The following SLC24A2 variants were observed in gnomAD, a reference collection of about 807,000 sequenced individuals.
SLC24A2 encodes the protein sodium/potassium/calcium exchanger 2.
SLC24A2 carries 36 observed loss-of-function variants against 62.0 expected under a neutral mutation model. That is an observed-to-expected ratio of 0.58 (90% CI 0.44 to 0.77). The LOEUF (loss-of-function observed/expected upper bound fraction) is 0.77, where lower values mean the gene tolerates loss of function less well. SLC24A2 is among the 30% of genes least tolerant of loss of function. The pLI is 0.00. For missense variants in SLC24A2, 846 were observed against 817.9 expected (o/e 1.03, Z -0.42); for synonymous variants, 358 against 294.0 (o/e 1.22, Z -2.23).
chr9:19,668,673 T>G (rs1270903208), intron 2 of SLC24A2, among the ~76,000 whole-genome samples: 1 of 152,218 alleles, frequency 6.6e-6, no homozygotes, highest in East Asian at 1.9e-4. Context: ...TTTCTGTTTC[T>G]GTCAGCTTGA....
chr9:20,092,950 T>C, the SLC24A2 span, among the ~76,000 whole-genome samples: 3 of 152,232 alleles, frequency 2.0e-5, no homozygotes, highest in African/African-American at 7.2e-5. Flanking sequence ...TAGTTTCTTT[T>C]TTATAGAATG....
the SLC24A2 span, among the ~76,000 whole-genome samples, chr9:20,224,434 C>T: frequency 6.6e-6 from 1 of 151,880 alleles, no homozygotes; most frequent in Non-Finnish European, 1.5e-5. Flanking sequence ...AAATTAAAGC[C>T]TGAAAACACT....
the SLC24A2 span, among the ~76,000 whole-genome samples, chr9:20,172,849 G>T: frequency 6.6e-6 from 1 of 151,962 alleles, no homozygotes; most frequent in Non-Finnish European, 1.5e-5. Context: ...ATCATTCTGT[G>T]AAGCCTGTAT....
chr9:20,188,157 TACAA>T, the SLC24A2 span, among the ~76,000 whole-genome samples: 2 of 152,322 alleles, frequency 1.3e-5, no homozygotes, highest in East Asian at 1.9e-4. Context: ...GAATTTCTGC[TACAA>T]ACAGTGTCCA....
chr9:20,084,365 A>T, the SLC24A2 span, among the ~76,000 whole-genome samples: 1 of 152,302 alleles, frequency 6.6e-6, no homozygotes, highest in East Asian at 1.9e-4. Flanking sequence ...CAACGACCTG[A>T]TGTCAGCTTG....
chr9:19,894,202 G>A, the SLC24A2 span, among the ~76,000 whole-genome samples: 1 of 152,174 alleles, frequency 6.6e-6, no homozygotes, highest in African/African-American at 2.4e-5. Flanking sequence ...CCAGAGACTA[G>A]AACCTTTCCG....
intron 6 of SLC24A2, among the ~76,000 whole-genome samples, chr9:19,575,486 C>T (rs1361650068): frequency 6.6e-6 from 1 of 152,204 alleles, no homozygotes; most frequent in African/African-American, 2.4e-5. Flanking sequence ...TGTGTGTGCA[C>T]ATCTTAGCTT....
At chr9:20,209,094 T>G in the SLC24A2 span, among the ~76,000 whole-genome samples, 3 of 152,208 alleles carry the variant, frequency 2.0e-5, no homozygotes, top group Admixed American at 2.0e-4. Flanking sequence ...GAGCATTAAA[T>G]GTGATGATGT....
At chr9:20,258,827 A>G in the SLC24A2 span, among the ~76,000 whole-genome samples, 12 of 140,158 alleles carry the variant, frequency 8.6e-5, no homozygotes, top group Middle Eastern at 7.2e-3. Flanking sequence ...TTATCTATCT[A>G]TCTATCTGTC....
At chr9:19,675,949 C>A (rs1819548527) in intron 2 of SLC24A2, among the ~76,000 whole-genome samples, 1 of 152,190 alleles carries the variant, frequency 6.6e-6, no homozygotes, top group Admixed American at 6.5e-5. Flanking sequence ...TTTTCCAGTT[C>A]CTCTGGCAGC....
chr9:19,799,986 C>T, the SLC24A2 span, among the ~76,000 whole-genome samples: 3 of 152,154 alleles, frequency 2.0e-5, no homozygotes, highest in Non-Finnish European at 2.9e-5. Context: ...CTAGCTTCGG[C>T]GGCTCTGAGA....
the SLC24A2 span, among the ~76,000 whole-genome samples, chr9:19,901,117 C>T: frequency 4.0e-3 from 609 of 152,254 alleles, 4 homozygotes; most frequent in Non-Finnish European, 5.5e-3. Context: ...TTATTGATCA[C>T]CTGTCATGTG....
the SLC24A2 span, among the ~76,000 whole-genome samples, chr9:20,253,687 C>T: frequency 6.6e-6 from 1 of 152,138 alleles, no homozygotes; most frequent in Non-Finnish European, 1.5e-5. Flanking sequence ...CTCTGTGCAG[C>T]CAGGGTTGTG....
the SLC24A2 span, among the ~76,000 whole-genome samples, chr9:20,093,652 T>G: frequency 6.6e-6 from 1 of 152,244 alleles, no homozygotes; most frequent in African/African-American, 2.4e-5. Flanking sequence ...GTTGTTTTTC[T>G]GTTTGGATGC....
At chr9:19,836,503 A>T in the SLC24A2 span, among the ~76,000 whole-genome samples, 1 of 152,234 alleles carries the variant, frequency 6.6e-6, no homozygotes, top group South Asian at 2.1e-4. Context: ...TCCTCAACAC[A>T]TACACCCTCC....
At chr9:19,610,491 C>A (rs1000945917) in intron 4 of SLC24A2, among the ~76,000 whole-genome samples, 2 of 151,866 alleles carry the variant, frequency 1.3e-5, no homozygotes, top group Non-Finnish European at 2.9e-5. Flanking sequence ...TGAAAGGAAA[C>A]GAGAGAAGAA....
At chr9:19,545,683 C>T (rs945403487) in intron 8 of SLC24A2, among the ~76,000 whole-genome samples, 18 of 151,058 alleles carry the variant, frequency 1.2e-4, no homozygotes, top group East Asian at 2.0e-4. Flanking sequence ...CTGTTGCTTA[C>T]GCTGGAGTGC....
At chr9:19,720,064 T>A (rs926203282) in intron 2 of SLC24A2, among the ~76,000 whole-genome samples, 1 of 152,074 alleles carries the variant, frequency 6.6e-6, no homozygotes, top group African/African-American at 2.4e-5. Context: ...AGGCTGGAGG[T>A]AAACCGGAAA....
At chr9:20,258,851 A>G in the SLC24A2 span, among the ~76,000 whole-genome samples, 5 of 96,728 alleles carry the variant, frequency 5.2e-5, no homozygotes, top group East Asian at 3.4e-4. Flanking sequence ...CTATCTATCT[A>G]TCTAATGTCT....
Sources: allele counts gnomAD v4.1 joint callset (sites outside exome capture counted in the v4.1 genomes callset), GRCh38; gene constraint gnomAD v4.1.1; transcripts MANE v1.5; gene names NCBI Gene and HGNC (gene_info 2026-07-23, HGNC 2026-07-21).